Variants in NDUFB10 observed in about 807,000 individuals in gnomAD.
NDUFB10 encodes the protein NADH dehydrogenase [ubiquinone] 1 beta subcomplex subunit 10.
Under a neutral mutation model 19.0 loss-of-function variants are expected in NDUFB10, and 23 were observed. That is an observed-to-expected ratio of 1.21 (90% CI 0.87 to 1.71). The LOEUF (loss-of-function observed/expected upper bound fraction) is 1.71, where lower values mean the gene tolerates loss of function less well. Ranked by LOEUF, NDUFB10 falls within the 40% of genes most tolerant of loss-of-function variation. The probability of loss-of-function intolerance (pLI) is 0.00; values close to 1 mark genes in which losing one functional copy is unlikely to be tolerated. For missense variants in NDUFB10, 312 were observed against 230.6 expected (o/e 1.35, Z -2.29); for synonymous variants, 104 against 81.8 (o/e 1.27, Z -1.46).
At chr16:1,959,776 C>A in intron 1 of NDUFB10, 22 bp downstream of exon 1, 7 of 1,611,702 alleles carry the variant, frequency 4.3e-6, no homozygotes, top group Non-Finnish European at 5.9e-6. Context: ...CAGCCCGGGG[C>A]TCCCTCGCCG....
rs1393375343 is a variant in NDUFB10, at chr16:1,959,542, C to T, written c.-83C>T. 83 of 1,476,224 alleles carry T rather than the reference C, an allele frequency of 5.6e-5. No homozygotes were observed. The highest frequency in any genetic ancestry group is 7.1e-5 in the Non-Finnish European group (79 of 1,107,844). 91.4% of individuals were successfully genotyped at this position (1,476,224 alleles called of 1,614,324 possible). ...CAGCCGCCCTCGGCGTCCTCTGTAG[C>T]GGGCGACCTAGGCCGCGGGACCCGG... is the stretch of plus-strand genomic sequence containing the variant. On this transcript the variant is annotated 5_prime_UTR_variant, in exon 1 of 4. Coordinates refer to ENST00000268668, the MANE Select transcript of NDUFB10 (RefSeq NM_004548.3).
At chr16:1,961,056 TCTC>T (rs1255193171) in intron 1 of NDUFB10, 94 bp from the exon 2 acceptor site, 35 of 1,431,450 alleles carry the variant, frequency 2.4e-5, no homozygotes, top group Non-Finnish European at 2.3e-5. Flanking sequence ...CTCAGGAAGT[TCTC>T]CTCTCTCCCC....
chr16:1,959,882 A>G (rs547857673), intron 1 of NDUFB10, 128 bp downstream of exon 1: 4 of 1,263,040 alleles, frequency 3.2e-6, no homozygotes, highest in Admixed American at 4.3e-5. Flanking sequence ...CACCCCGGGG[A>G]CAACTCCCCA....
Position 1,961,595 on chromosome 16 carries a change from T to C in NDUFB10, c.368T>C (p.Val123Ala), listed in dbSNP as rs201663429. The C allele has an allele frequency of 4.3e-6, 7 of 1,613,966 alleles. No individual in the cohort carries two copies. The South Asian group carries it at 6.6e-5, about 15-fold the overall frequency. The change falls in exon 3 of 4, where the codon GTG becomes GCG. Residue 123 changes from valine to alanine, a missense_variant. Physicochemically the swap from Val to Ala is moderately conservative, Grantham distance 64. Transcript: ENST00000268668. ...QNYQQNCIKEVEQFTQVAKAY... is the reference protein window; with the variant it reads ...QNYQQNCIKEAEQFTQVAKAY... ...TACCAGCAGAACTGTATCAAGGAAG[T>C]GGAGCAGTTCACCCAGGTGGCCAAG...
At position 1,961,139 on chromosome 16, in the gene NDUFB10, CTT is replaced by C; in HGVS notation, c.131-12_131-11del. 3.7e-6 allele frequency: 6 copies of C among 1,613,402 alleles called. No individual in the cohort carries two copies. Among genetic ancestry groups the C allele is most frequent in the Non-Finnish European group, 4.2e-6 (5 of 1,179,694 alleles). ...ACCGATGAGGCATTTGAGTCTGTGG[CTT>C]TGTCTTTGCAGAATTTATAGAGCGG... On this transcript the variant is annotated splice_polypyrimidine_tract_variant and intron_variant, in intron 1 of 3. Transcript: ENST00000268668.
At chr16:1,961,323 T>A (rs1188619516) in intron 2 of NDUFB10, 32 bp downstream of exon 2, 2 of 1,612,130 alleles carry the variant, frequency 1.2e-6, no homozygotes. Context: ...TGTGGAGATC[T>A]GCACCGTGTG....
rs571107399 is a variant in NDUFB10, at chr16:1,959,862, C to G, written c.130+108C>G. ...CCGGGGTCCCGTCTGCCTGAGACCG[C>G]CCCCCGCTGCACCCCGGGGACAACT... On this transcript the variant is annotated intron_variant, in intron 1 of 3. Transcript: ENST00000268668. 6 of 1,396,982 alleles carry G rather than the reference C, an allele frequency of 4.3e-6. No homozygotes were observed. The Admixed American group carries it at 8.7e-5, about 20-fold the overall frequency. 86.5% of individuals were successfully genotyped at this position (1,396,982 alleles called of 1,614,324 possible). A position where few individuals can be genotyped will look rare whatever the true frequency, so the allele number is the denominator to read the frequency against.
chr16:1,959,980 C>T (rs1368973087), intron 1 of NDUFB10, among the ~76,000 whole-genome samples: 1 of 151,948 alleles, frequency 6.6e-6, no homozygotes, highest in African/African-American at 2.4e-5. Context: ...CTCTCCCCTG[C>T]ACCCCGGGAT....
chr16:1,961,643 G>GCCCCCCCCCCCCCC lies in NDUFB10; in HGVS notation c.409+11_409+12insCCCCCCCCCCCCCC. ...AAGGCCTACCAGGACCGCTGTGCGT[G>GCCCCCCCCCCCCCC]CCCCACCCACCCCCAACCCCCCACC... On this transcript the variant is annotated splice_region_variant and intron_variant, in intron 3 of 3. Coordinates refer to ENST00000268668, the MANE Select transcript of NDUFB10 (RefSeq NM_004548.3). 1.3e-6 allele frequency: 2 copies of GCCCCCCCCCCCCCC among 1,547,236 alleles called. No individual in the cohort carries two copies. The highest frequency in any genetic ancestry group is 1.8e-6 in the Non-Finnish European group (2 of 1,141,070).
chr16:1,959,758 C>G lies in NDUFB10; in HGVS notation c.130+4C>G. The G allele has an allele frequency of 2.5e-6, 4 of 1,612,940 alleles. No individual in the cohort carries two copies. The highest frequency in any genetic ancestry group is 2.5e-6 in the Non-Finnish European group (3 of 1,179,598). On this transcript the variant is annotated splice_donor_region_variant and intron_variant, in intron 1 of 3. Transcript: ENST00000268668. Reference sequence around the variant, plus strand: ...CGACCCGTGACCCTCGTGAGAGGTACGAAGCCCCAGCCCGGGGCTCCCTCG... The same window carrying G: ...CGACCCGTGACCCTCGTGAGAGGTAGGAAGCCCCAGCCCGGGGCTCCCTCG...
rs1035237271 is a variant in NDUFB10 at position 1,959,538 on chromosome 16, G to A, written c.-87G>A. 4 of 1,472,870 alleles carry A rather than the reference G, an allele frequency of 2.7e-6. No individual in the cohort carries two copies. In the African/African-American group the frequency reaches 5.8e-5, roughly 21 times the overall value. The allele number at this position is 1,472,870 out of a possible 1,614,324, so 91.2% of individuals were successfully genotyped here. On this transcript the variant is annotated 5_prime_UTR_variant, in exon 1 of 4. Coordinates refer to ENST00000268668, the MANE Select transcript of NDUFB10 (RefSeq NM_004548.3). The stretch of plus-strand genomic sequence containing the variant: ...GACGCAGCCGCCCTCGGCGTCCTCT[G>A]TAGCGGGCGACCTAGGCCGCGGGAC...
At position 1,959,544 on chromosome 16, in the gene NDUFB10, G is replaced by A; in HGVS notation, c.-81G>A. On this transcript the variant is annotated 5_prime_UTR_variant, in exon 1 of 4. Coordinates refer to ENST00000268668, the MANE Select transcript of NDUFB10 (RefSeq NM_004548.3). ...GCCGCCCTCGGCGTCCTCTGTAGCG[G>A]GCGACCTAGGCCGCGGGACCCGGAC... The A allele has an allele frequency of 1.3e-6, 2 of 1,483,502 alleles. No individual in the cohort carries two copies. Among genetic ancestry groups the A allele is most frequent in the South Asian group, 1.3e-5 (1 of 76,404 alleles). The allele number at this position is 1,483,502 out of a possible 1,614,324, so 91.9% of individuals were successfully genotyped here.
intron 1 of NDUFB10, among the ~76,000 whole-genome samples, chr16:1,960,916 A>C (rs1255394514): frequency 1.3e-5 from 2 of 152,206 alleles, no homozygotes; most frequent in Non-Finnish European, 2.9e-5. Flanking sequence ...AAGGTAATGC[A>C]TGTGGAACTC....
chr16:1,959,582 C>T lies in NDUFB10; in HGVS notation c.-43C>T, dbSNP rs191861939. The T allele has an allele frequency of 2.0e-3, 3,215 of 1,578,868 alleles. 42 individuals carry two copies. The highest frequency in any genetic ancestry group is 0.015 in the Middle Eastern group (87 of 5,962). On this transcript the variant is annotated 5_prime_UTR_variant, in exon 1 of 4. Transcript: ENST00000268668. Reference sequence around the variant, plus strand: ...GCGGGACCCGGACGGAGGTAGAGGCCAGGGCAGCGCGTCCGGGAGCGGAGT... The same window carrying T: ...GCGGGACCCGGACGGAGGTAGAGGCTAGGGCAGCGCGTCCGGGAGCGGAGT...
chr16:1,961,865 G>A lies in NDUFB10; in HGVS notation c.478G>A (p.Glu160Lys), dbSNP rs1008419869. The change falls in exon 4 of 4, where the codon GAG becomes AAG. Residue 160 changes from glutamate (E) to lysine (K), a missense_variant. Glu to Lys is a moderately conservative substitution (Grantham distance 56, BLOSUM62 1). Transcript: ENST00000268668. ...LAKQRQRMLQ[E>K]RKAAKEAAAA... ...CAAACAGAGGCAGAGGATGCTGCAA[G>A]AGAGAAAAGCTGCAAAAGAGGCCGC... 2 of 1,566,068 alleles carry A rather than the reference G, an allele frequency of 1.3e-6. No individual in the cohort carries two copies. Among genetic ancestry groups the A allele is most frequent in the Non-Finnish European group, 8.7e-7 (1 of 1,154,818 alleles).
chr16:1,959,587 C>T lies in NDUFB10; in HGVS notation c.-38C>T, dbSNP rs1567315097. 3.8e-6 allele frequency: 6 copies of T among 1,583,764 alleles called. No homozygotes were observed. The highest frequency in any genetic ancestry group is 2.3e-5 in the South Asian group (2 of 88,330). Reference sequence around the variant, plus strand: ...ACCCGGACGGAGGTAGAGGCCAGGGCAGCGCGTCCGGGAGCGGAGTCCGCG... The same window carrying T: ...ACCCGGACGGAGGTAGAGGCCAGGGTAGCGCGTCCGGGAGCGGAGTCCGCG... On this transcript the variant is annotated 5_prime_UTR_variant, in exon 1 of 4. Transcript: ENST00000268668.
intron 1 of NDUFB10, among the ~76,000 whole-genome samples, 174 bp from the exon 2 acceptor site, chr16:1,960,979 T>TC (rs1044262560): frequency 5.3e-5 from 8 of 152,206 alleles, no homozygotes; most frequent in African/African-American, 1.4e-4. Context: ...GCCTAGGCCT[T>TC]CACAGGCCTG....
chr16:1,960,631 G>C (rs1283066672), intron 1 of NDUFB10, among the ~76,000 whole-genome samples: 1 of 152,248 alleles, frequency 6.6e-6, no homozygotes, highest in Non-Finnish European at 1.5e-5. Context: ...CCGTGCAACA[G>C]CGGACCCAGC....
chr16:1,959,719 A>G lies in NDUFB10; in HGVS notation c.95A>G (p.Asp32Gly). Reference protein sequence around the residue: ...NPIVYMMKAFDLIVDRPVTLV... With the variant: ...NPIVYMMKAFGLIVDRPVTLV... The stretch of plus-strand genomic sequence containing the variant: ...ATCGTCTACATGATGAAAGCGTTCG[A>G]CCTCATCGTGGACCGACCCGTGACC... Residue 32 changes from aspartate (D) to glycine (G), a missense_variant, in exon 1 of 4, where the codon GAC becomes GGC. Physicochemically the swap from Asp to Gly is moderately conservative, Grantham distance 94 (BLOSUM62 -1). Coordinates refer to ENST00000268668, the MANE Select transcript of NDUFB10 (RefSeq NM_004548.3). The G allele has an allele frequency of 6.2e-7, 1 of 1,613,170 alleles. No homozygotes were observed. Among genetic ancestry groups the G allele is most frequent in the Non-Finnish European group, 8.5e-7 (1 of 1,179,686 alleles).
Sources: gnomAD v4.1 joint callset for allele counts (sites outside exome capture counted in the v4.1 genomes callset) on GRCh38, gnomAD v4.1.1 for gene constraint, MANE v1.5 for transcripts, NCBI Gene and HGNC (gene_info 2026-07-23, HGNC 2026-07-21) for gene names.